LRRC31: variants seen among roughly 807,000 people sequenced by gnomAD.
LRRC31 encodes the protein leucine rich repeat containing 31.
In LRRC31, 35 loss-of-function variants were observed where a neutral mutation model predicts 46.7. The observed-to-expected ratio is 0.75, with a 90% CI of 0.57 to 0.99. The LOEUF (loss-of-function observed/expected upper bound fraction) is 0.99. Among genes scored for constraint, LRRC31 ranks in the 50% least tolerant of loss-of-function variants. LRRC31 has a pLI of 0.00. For synonymous variants in LRRC31, 236 were observed against 235.1 expected (o/e 1.00, Z -0.03); for missense variants, 613 against 626.1 (o/e 0.98, Z 0.22).
In LRRC31 at chr3:169,857,455, T is replaced by A. The variant is rs189726975; in HGVS notation, c.488-583A>T. Among the ~76,000 whole-genome samples, 148 of 142,144 alleles carry A rather than the reference T, an allele frequency of 1.0e-3. 1 individual carries two copies. The highest frequency in any genetic ancestry group is 1.9e-3 in the Non-Finnish European group (125 of 65,434). The allele number at this position is 142,144 out of a possible 152,430, so 93.3% of individuals were successfully genotyped here. A position where few individuals can be genotyped will look rare whatever the true frequency, so the allele number is the denominator to read the frequency against. ...GAGGAATATCACATGCAACCTGAAC[T>A]GACCACTACAGAGAGAAACTAATAA... is the stretch of plus-strand genomic sequence containing the variant. On this transcript the variant is annotated intron_variant, in intron 3 of 8. Transcript: ENST00000316428.
intron 1 of LRRC31, among the ~76,000 whole-genome samples, chr3:169,868,734 A>T (rs1781404622): frequency 6.6e-6 from 1 of 152,230 alleles, no homozygotes; most frequent in Non-Finnish European, 1.5e-5. Flanking sequence ...ATTTAAAAGT[A>T]AAATTATGAA....
At chr3:169,846,842 T>C (rs1413842745) in intron 8 of LRRC31, among the ~76,000 whole-genome samples, 3 of 152,236 alleles carry the variant, frequency 2.0e-5, no homozygotes, top group Non-Finnish European at 4.4e-5. Context: ...CTATTTTTCA[T>C]AGCTTCTGTT....
intron 1 of LRRC31, among the ~76,000 whole-genome samples, chr3:169,868,150 G>A (rs544863230): frequency 1.6e-4 from 25 of 152,278 alleles, no homozygotes; most frequent in African/African-American, 3.1e-4. Flanking sequence ...TGGCCCCAGC[G>A]ACCTCTCTGA....
intron 3 of LRRC31, among the ~76,000 whole-genome samples, chr3:169,859,295 CAA>C (rs1171318541): frequency 3.1e-5 from 2 of 63,870 alleles, no homozygotes; most frequent in Admixed American, 2.4e-4. Context: ...AACACCGTCT[CAA>C]AAAAAAAAAG....
intron 2 of LRRC31, among the ~76,000 whole-genome samples, chr3:169,860,960 A>C (rs1471463636): frequency 1.3e-5 from 2 of 152,140 alleles, no homozygotes; most frequent in African/African-American, 4.8e-5. Flanking sequence ...AAATAACTGC[A>C]GTCTGAAAAT....
At chr3:169,846,479 G>A (rs1295414124) in intron 8 of LRRC31, among the ~76,000 whole-genome samples, 6 of 152,058 alleles carry the variant, frequency 3.9e-5, no homozygotes, top group Non-Finnish European at 5.9e-5. Context: ...GCGAAACCCC[G>A]TCTCTACCAA....
Position 169,848,018 on chromosome 3 carries a change from C to T in LRRC31, c.1327+102G>A. ...AAGGGAATCTGCACAGAGGGCTTCA[C>T]CCCAGGTCTGGTACCTCCCCCACCT... On this transcript the variant is annotated intron_variant, in intron 8 of 8. Coordinates refer to ENST00000316428, the MANE Select transcript of LRRC31 (RefSeq NM_024727.4). 3.4e-6 allele frequency: 4 copies of T among 1,162,696 alleles called. No homozygotes were observed. In the South Asian group the frequency reaches 4.3e-5, roughly 13 times the overall value. 72.0% of individuals were successfully genotyped at this position (1,162,696 alleles called of 1,614,324 possible).
At chr3:169,866,621 G>A (rs569856842) in intron 1 of LRRC31, among the ~76,000 whole-genome samples, 20 of 152,130 alleles carry the variant, frequency 1.3e-4, no homozygotes, top group African/African-American at 4.1e-4. Context: ...TTTGGCATTT[G>A]ATGGCAAACA....
rs540012867 is a variant in LRRC31, at chr3:169,862,533, C to T, written c.176-720G>A. ...ATCCTAGTACTTTGGAAGGCTGAGG[C>T]GGGTGGATCATGAGGTCAGGAGATC... is the stretch of plus-strand genomic sequence containing the variant. On this transcript the variant is annotated intron_variant, in intron 1 of 8. Coordinates refer to ENST00000316428, the MANE Select transcript of LRRC31 (RefSeq NM_024727.4). 4.8e-4 allele frequency among the ~76,000 whole-genome samples: 73 copies of T among 150,920 alleles called. No homozygotes were observed. The South Asian group carries it at 0.013, about 26-fold the overall frequency.
intron 1 of LRRC31, among the ~76,000 whole-genome samples, chr3:169,866,870 G>A (rs1286719059): frequency 6.6e-6 from 1 of 151,984 alleles, no homozygotes; most frequent in Non-Finnish European, 1.5e-5. Flanking sequence ...GCTGAGACAA[G>A]AGAATCACTT....
At chr3:169,861,088 T>C (rs1576799211) in intron 2 of LRRC31, among the ~76,000 whole-genome samples, 1 of 134,270 alleles carries the variant, frequency 7.4e-6, no homozygotes. Context: ...TTTTTTTTTT[T>C]CAGACGGAGT....
intron 3 of LRRC31, among the ~76,000 whole-genome samples, chr3:169,857,481 T>C (rs1781003335): frequency 7.0e-6 from 1 of 142,312 alleles, no homozygotes; most frequent in Non-Finnish European, 1.5e-5. Flanking sequence ...AAACTAATAA[T>C]AGAGCATCAG....
At chr3:169,857,345 TAC>T (rs1180073387) in intron 3 of LRRC31, among the ~76,000 whole-genome samples, 4,331 of 89,178 alleles carry the variant, frequency 0.049, 224 homozygotes, top group Non-Finnish European at 0.057. Flanking sequence ...TATATATATA[TAC>T]ACACACACAC....
At chr3:169,841,452 G>A (rs1339262833) in intron 8 of LRRC31, among the ~76,000 whole-genome samples, 1 of 152,190 alleles carries the variant, frequency 6.6e-6, no homozygotes, top group Non-Finnish European at 1.5e-5. Context: ...CAGTGAATTT[G>A]AGAGCTCAGC....
chr3:169,856,564 C>T, intron 4 of LRRC31, 61 bp from the exon 5 acceptor site: 1 of 1,424,824 alleles, frequency 7.0e-7, no homozygotes, highest in South Asian at 1.4e-5. Flanking sequence ...TTTTACATCA[C>T]CTGGGGATAT....
Position 169,861,811 on chromosome 3 carries a change from T to C in LRRC31, c.178A>G (p.Lys60Glu), listed in dbSNP as rs1282286595. Residue 60 changes from lysine (K) to glutamate (E), a missense_variant and splice_region_variant, in exon 2 of 9, where the codon AAG (lysine) becomes GAG (glutamate). By Grantham distance (56) the Lys-to-Glu change is moderately conservative (BLOSUM62 1). Coordinates refer to ENST00000316428, the MANE Select transcript of LRRC31 (RefSeq NM_024727.4). ...CATTCCATTTCTGAACTGAGAGGCT[T>C]AGCTGTGTGATAAGCATAAAAAAGA... The part of the protein sequence containing the change: ...IQKTATSETA[K>E]PLSSEMEWRS... 1 of 1,613,286 alleles carries C rather than the reference T, an allele frequency of 6.2e-7. No homozygotes were observed. The highest frequency in any genetic ancestry group is 8.5e-7 in the Non-Finnish European group (1 of 1,179,674).
At chr3:169,854,643 G>A (rs561289050) in intron 6 of LRRC31, among the ~76,000 whole-genome samples, 170 bp downstream of exon 6, 15 of 152,296 alleles carry the variant, frequency 9.8e-5, no homozygotes, top group South Asian at 4.1e-4. Context: ...TTTACTGGGC[G>A]TTTAATACAT....
chr3:169,862,248 C>T (rs1201513742), intron 1 of LRRC31, among the ~76,000 whole-genome samples: 1 of 152,190 alleles, frequency 6.6e-6, no homozygotes, highest in Non-Finnish European at 1.5e-5. Flanking sequence ...AAATCACCAT[C>T]AAGGAGCTGC....
rs1332220963 is a variant in LRRC31, at chr3:169,856,441, C to T, written c.718G>A (p.Val240Ile). The change falls in exon 5 of 9, where the codon GTT becomes ATT. Residue 240 changes from valine (V) to isoleucine (I), a missense_variant. Val to Ile is a conservative substitution (Grantham distance 29). Transcript: ENST00000316428. ...VLDLSINRDIVGSLNSIAQGL... is the reference protein window; with the variant it reads ...VLDLSINRDIIGSLNSIAQGL... ...TGAGCAATACTGTTCAGACTGCCAA[C>T]AATGTCTCTGTTAATGGAAAGATCA... 1.9e-6 allele frequency: 3 copies of T among 1,606,870 alleles called. No individual in the cohort carries two copies. The highest frequency in any genetic ancestry group is 2.2e-5 in the South Asian group (2 of 89,832).
Sources: allele counts gnomAD v4.1 joint callset (sites outside exome capture counted in the v4.1 genomes callset), GRCh38; gene constraint gnomAD v4.1.1; transcripts MANE v1.5; gene names NCBI Gene and HGNC (gene_info 2026-07-23, HGNC 2026-07-21).